GYPE: variants seen among roughly 807,000 people sequenced by gnomAD.
GYPE encodes glycophorin-E.
A neutral mutation model predicts 11.6 loss-of-function variants in GYPE; 8 were observed. That is an observed-to-expected ratio of 0.69 (90% CI 0.41 to 1.25). The LOEUF is 1.25. GYPE is among the 50% of genes most tolerant of loss of function. The pLI, the probability that GYPE is intolerant of heterozygous loss-of-function variation, is 0.01. For synonymous variants in GYPE, 28 were observed against 29.6 expected (o/e 0.94, Z 0.18); for missense variants, 90 against 92.8 (o/e 0.97, Z 0.12).
rs181099072 is a variant in GYPE, at chr4:143,897,465, T to A, written c.37+8006A>T. On this transcript the variant is annotated intron_variant, in intron 1 of 3. Coordinates refer to ENST00000358615, the MANE Select transcript of GYPE (RefSeq NM_198682.3). ...GCTTAGGCCACAGAGCAAAATCTTG[T>A]CTCTAAAAAAAATTAAGTTGTATAA... is the stretch of plus-strand genomic sequence containing the variant. Among the ~76,000 whole-genome samples, 385 of 152,084 alleles carry A rather than the reference T, an allele frequency of 2.5e-3. 2 individuals are homozygous for A. The highest frequency in any genetic ancestry group is 8.7e-3 in the African/African-American group (360 of 41,452).
chr4:143,899,938 GA>G (rs202121016), intron 1 of GYPE, among the ~76,000 whole-genome samples: 829 of 23,342 alleles, frequency 0.036, 194 homozygotes, highest in Middle Eastern at 0.1. Context: ...AGCAACAAAA[GA>G]AAAAAAAATT....
chr4:143,895,898 C>G (rs971493820), intron 1 of GYPE, among the ~76,000 whole-genome samples: 1 of 151,980 alleles, frequency 6.6e-6, no homozygotes, highest in Admixed American at 6.6e-5. Flanking sequence ...GAAAAACAAG[C>G]AATGGGGAAA....
intron 1 of GYPE, among the ~76,000 whole-genome samples, chr4:143,898,300 C>T (rs1288386740): frequency 1.3e-5 from 2 of 152,240 alleles, no homozygotes; most frequent in Admixed American, 1.3e-4. Context: ...TTGCTTGAAC[C>T]TGGGAGGCAG....
chr4:143,880,364 A>G (rs752901557), intron 2 of GYPE, 47 bp downstream of exon 2: 12 of 1,613,088 alleles, frequency 7.4e-6, no homozygotes, highest in Non-Finnish European at 1.0e-5. Flanking sequence ...GTTGCATCAC[A>G]AAAACGATTT....
At chr4:143,903,679 C>T (rs1200580790) in intron 1 of GYPE, among the ~76,000 whole-genome samples, 12 of 152,076 alleles carry the variant, frequency 7.9e-5, no homozygotes, top group South Asian at 4.2e-4. Context: ...TCTGAAGCTA[C>T]GAAGATGATA....
At position 143,883,046 on chromosome 4, in the gene GYPE, G is replaced by T. The variant is rs2149907649; in HGVS notation, c.38-2537C>A. 3.3e-5 allele frequency among the ~76,000 whole-genome samples: 5 copies of T among 152,226 alleles called. No homozygotes were observed. The Middle Eastern group carries it at 0.017, about 518-fold the overall frequency. ...TGTGGAAATGTAATCCCCAATGTTG[G>T]AGGTGGAGCCTGGTGGGAGGTAATT... On this transcript the variant is annotated intron_variant, in intron 1 of 3. Transcript: ENST00000358615.
chr4:143,871,256 C>A lies in GYPE; in HGVS notation c.*1006G>T, dbSNP rs1223971613. On this transcript the variant is annotated 3_prime_UTR_variant, in exon 4 of 4. Coordinates refer to ENST00000358615, the MANE Select transcript of GYPE (RefSeq NM_198682.3). Reference sequence around the variant, plus strand: ...TCAGTATTCTTCCACAGAGAGGGACCCATAGTCATTACCTTCAAGGAACCT... The same window carrying A: ...TCAGTATTCTTCCACAGAGAGGGACACATAGTCATTACCTTCAAGGAACCT... The A allele has an allele frequency of 1.3e-5, 2 of 151,948 alleles. No homozygotes were observed. The highest frequency in any genetic ancestry group is 2.9e-5 in the Non-Finnish European group (2 of 68,024). 9.4% of individuals were successfully genotyped at this position (151,948 alleles called of 1,614,324 possible). A position where few individuals can be genotyped will look rare whatever the true frequency, so the allele number is the denominator to read the frequency against.
intron 2 of GYPE, 57 bp from the exon 3 acceptor site, chr4:143,876,912 C>G (rs1336775817): frequency 2.1e-6 from 2 of 935,132 alleles, no homozygotes; most frequent in African/African-American, 3.2e-5. Context: ...ATGACCACAT[C>G]CAATTGAAAA....
At chr4:143,903,773 A>C (rs1191661169) in intron 1 of GYPE, among the ~76,000 whole-genome samples, 1 of 150,556 alleles carries the variant, frequency 6.6e-6, no homozygotes, top group Non-Finnish European at 1.5e-5. Flanking sequence ...TTAAGGCTTT[A>C]ATTCACTATC....
intron 1 of GYPE, among the ~76,000 whole-genome samples, chr4:143,888,112 G>T (rs1340504122): frequency 1.1e-5 from 1 of 91,818 alleles, no homozygotes; most frequent in Non-Finnish European, 2.2e-5. Context: ...GGGGTGACTT[G>T]GGGGCCCAAG....
intron 1 of GYPE, among the ~76,000 whole-genome samples, chr4:143,882,386 C>T (rs1744074885): frequency 6.6e-6 from 1 of 151,944 alleles, no homozygotes; most frequent in African/African-American, 2.4e-5. Flanking sequence ...AACTAATGAA[C>T]AAAAATAATC....
intron 1 of GYPE, among the ~76,000 whole-genome samples, chr4:143,880,981 G>C (rs190959386): frequency 3.2e-4 from 48 of 152,182 alleles, no homozygotes; most frequent in African/African-American, 1.0e-3. Flanking sequence ...TGCTAAGAAA[G>C]GTGGAAGCGC....
chr4:143,882,396 C>A (rs186518646), intron 1 of GYPE, among the ~76,000 whole-genome samples: 2 of 152,006 alleles, frequency 1.3e-5, no homozygotes, highest in African/African-American at 2.4e-5. Flanking sequence ...CAAAAATAAT[C>A]CATCTCTCTT....
intron 1 of GYPE, among the ~76,000 whole-genome samples, chr4:143,887,598 GGA>G (rs1293140058): frequency 5.1e-5 from 1 of 19,616 alleles, no homozygotes; most frequent in African/African-American, 5.8e-5. Context: ...AAGATGCAGA[GGA>G]GGAGGGATAA....
At chr4:143,878,009 A>T (rs1743876015) in intron 2 of GYPE, among the ~76,000 whole-genome samples, 1 of 150,122 alleles carries the variant, frequency 6.7e-6, no homozygotes, top group Admixed American at 6.7e-5. Context: ...TTGTTTTATA[A>T]GCTCTTATGA....
intron 3 of GYPE, chr4:143,875,399 T>A (rs4101238): frequency 6.7e-7 from 1 of 1,488,938 alleles, no homozygotes; most frequent in Non-Finnish European, 9.2e-7. Context: ...AGCCAAGGGT[T>A]GGGGCATAAG....
intron 1 of GYPE, among the ~76,000 whole-genome samples, chr4:143,900,204 A>G (rs1338892604): frequency 6.9e-6 from 1 of 144,466 alleles, no homozygotes; most frequent in Non-Finnish European, 1.5e-5. Flanking sequence ...GATTCTCAGC[A>G]TCATGAGTTA....
At chr4:143,885,633 C>T (rs1235322984) in intron 1 of GYPE, among the ~76,000 whole-genome samples, 1 of 151,702 alleles carries the variant, frequency 6.6e-6, no homozygotes, top group Non-Finnish European at 1.5e-5. Context: ...CATGCCTCCA[C>T]TCTGGCTTTT....
chr4:143,898,478 A>G (rs1660385256), intron 1 of GYPE, among the ~76,000 whole-genome samples: 2 of 152,180 alleles, frequency 1.3e-5, no homozygotes, highest in Admixed American at 6.5e-5. Flanking sequence ...AGTGAAAAAG[A>G]TTTACTTGTG....
Sources: allele counts gnomAD v4.1 joint callset (sites outside exome capture counted in the v4.1 genomes callset), GRCh38; gene constraint gnomAD v4.1.1; transcripts MANE v1.5; gene names NCBI Gene and HGNC (gene_info 2026-07-23, HGNC 2026-07-21).